The following SLC2A6 variants were observed in gnomAD, a reference collection of about 807,000 sequenced individuals.
SLC2A6 encodes the protein solute carrier family 2 member 6.
In SLC2A6, 39 loss-of-function variants were observed where a neutral mutation model predicts 47.8. The observed-to-expected ratio is 0.82, with a 90% CI of 0.63 to 1.07. SLC2A6 has a LOEUF of 1.07. Ranked by LOEUF, SLC2A6 falls within the 50% of genes least tolerant of loss-of-function variation. The probability of loss-of-function intolerance (pLI) is 0.00; values close to 1 mark genes in which losing one functional copy is unlikely to be tolerated. For synonymous variants in SLC2A6, 346 were observed against 324.1 expected, an observed-to-expected ratio of 1.07 and a Z score of -0.73; for missense variants, 650 against 707.6, an observed-to-expected ratio of 0.92 and a Z score of 0.92.
Position 133,474,023 on chromosome 9 carries a change from G to A in SLC2A6, c.993C>T (p.Leu331=), listed in dbSNP as rs995487639. The change falls in exon 7 of 10, where the codon CTC becomes CTT. Residue 331 remains leucine (L), a synonymous_variant. Coordinates refer to ENST00000371899, the MANE Select transcript of SLC2A6 (RefSeq NM_017585.4). ...VRLLSVLIAA[L]TMDLAGRKVL... Reference sequence around the variant, plus strand: ...CCTTGCGGCCTGCGAGGTCCATGGTGAGGGCGGCGATCAGCACGGACAGGA... The same window carrying A: ...CCTTGCGGCCTGCGAGGTCCATGGTAAGGGCGGCGATCAGCACGGACAGGA... 47 of 1,611,048 alleles carry A rather than the reference G, an allele frequency of 2.9e-5. No homozygotes were observed. In the East Asian group the frequency reaches 1.0e-3, roughly 35 times the overall value.
intron 3 of SLC2A6, 181 bp from the exon 4 acceptor site, chr9:133,476,517 C>T: frequency 1.6e-6 from 1 of 610,976 alleles, no homozygotes; most frequent in Non-Finnish European, 3.0e-6. Flanking sequence ...CTCTCTCTGT[C>T]CTCAGTTTCC....
Position 133,473,904 on chromosome 9 carries a change from G to A in SLC2A6, c.1036+76C>T, listed in dbSNP as rs986010120. The A allele has an allele frequency of 1.2e-5, 14 of 1,182,404 alleles. 1 individual carries two copies. The highest frequency in any genetic ancestry group is 9.1e-5 in the South Asian group (6 of 65,728). 73.2% of individuals were successfully genotyped at this position (1,182,404 alleles called of 1,614,324 possible). A position where few individuals can be genotyped will look rare whatever the true frequency, so the allele number is the denominator to read the frequency against. ...TCCCAGCCACACAGCCCCACCCCGA[G>A]GCAGGCCTGCACACCCAGCCCAGCC... On this transcript the variant is annotated intron_variant, in intron 7 of 9. Coordinates refer to ENST00000371899, the MANE Select transcript of SLC2A6 (RefSeq NM_017585.4).
At chr9:133,475,365 G>A in intron 5 of SLC2A6, 35 bp downstream of exon 5, 3 of 1,545,536 alleles carry the variant, frequency 1.9e-6, no homozygotes, top group South Asian at 2.4e-5. Flanking sequence ...TGCTGGAGGT[G>A]GGCCTGCCCG....
chr9:133,475,476 G>C lies in SLC2A6; in HGVS notation c.698C>G (p.Ala233Gly). ...SRGRDEEALR[A>G]LAWLRGTDVD... ...GTCCGTCCCACGCAGCCAGGCCAGC[G>C]CCCGCAGGGCCTCTTCGTCCCTGCC... Residue 233 changes from alanine (A) to glycine (G), a missense_variant, in exon 5 of 10, where the codon GCG becomes GGG. Transcript: ENST00000371899. The C allele has an allele frequency of 1.2e-6, 2 of 1,611,834 alleles. No homozygotes were observed. The highest frequency in any genetic ancestry group is 2.2e-5 in the South Asian group (2 of 91,022).
In SLC2A6 at chr9:133,473,505, C is replaced by G; in HGVS notation, c.1132G>C (p.Glu378Gln). The G allele has an allele frequency of 1.2e-6, 2 of 1,601,518 alleles. No individual in the cohort carries two copies. Among genetic ancestry groups the G allele is most frequent in the Non-Finnish European group, 1.7e-6 (2 of 1,175,760 alleles). ...SPNSTAGLES[E>Q]SWGDLAQPLA... ...GGCTGCGCCAAGTCCCCCCAGGACTCGCTTTCCAGGCCCGCAGTGCTGTTG... is the reference window on the plus strand; with the variant it reads ...GGCTGCGCCAAGTCCCCCCAGGACTGGCTTTCCAGGCCCGCAGTGCTGTTG... Residue 378 changes from glutamate to glutamine, a missense_variant, in exon 8 of 10, where the codon GAG becomes CAG. Physicochemically the swap from Glu to Gln is conservative, Grantham distance 29 (BLOSUM62 2). Coordinates refer to ENST00000371899, the MANE Select transcript of SLC2A6 (RefSeq NM_017585.4).
intron 3 of SLC2A6, among the ~76,000 whole-genome samples, 184 bp downstream of exon 3, chr9:133,476,851 G>C (rs587706280): frequency 1.3e-5 from 2 of 152,342 alleles, no homozygotes; most frequent in South Asian, 4.1e-4. Flanking sequence ...CTGGGGACCT[G>C]GAGACAATTT....
rs377407667 is a variant in SLC2A6 at position 133,471,657 on chromosome 9, C to G, written c.*364G>C. 1 of 208,694 alleles carries G rather than the reference C, an allele frequency of 4.8e-6. No individual in the cohort carries two copies. Among genetic ancestry groups the G allele is most frequent in the African/African-American group, 2.3e-5 (1 of 43,552 alleles). The allele number at this position is 208,694 out of a possible 1,614,324, so 12.9% of individuals were successfully genotyped here. ...ATATGACTACGTTACTTGGCTGCCT[C>G]CAGCCCTGTCCTCTCAGTCCTCCCC... On this transcript the variant is annotated 3_prime_UTR_variant, in exon 10 of 10. Coordinates refer to ENST00000371899, the MANE Select transcript of SLC2A6 (RefSeq NM_017585.4).
chr9:133,471,672 C>G lies in SLC2A6; in HGVS notation c.*349G>C. 4.4e-6 allele frequency: 1 copy of G among 227,248 alleles called. No individual in the cohort carries two copies. The highest frequency in any genetic ancestry group is 5.2e-5 in the Admixed American group (1 of 19,414). 14.1% of individuals were successfully genotyped at this position (227,248 alleles called of 1,614,324 possible). On this transcript the variant is annotated 3_prime_UTR_variant, in exon 10 of 10. Coordinates refer to ENST00000371899, the MANE Select transcript of SLC2A6 (RefSeq NM_017585.4). Reference sequence around the variant, plus strand: ...TTGGCTGCCTCCAGCCCTGTCCTCTCAGTCCTCCCCGTAGCCTTCTGTGGG... The same window carrying G: ...TTGGCTGCCTCCAGCCCTGTCCTCTGAGTCCTCCCCGTAGCCTTCTGTGGG...
In SLC2A6 at chr9:133,473,464, A is replaced by C; in HGVS notation, c.1173T>G (p.Ala391=). 6.2e-7 allele frequency: 1 copy of C among 1,606,148 alleles called. No homozygotes were observed. The highest frequency in any genetic ancestry group is 2.2e-5 in the East Asian group (1 of 44,768). Residue 391 remains alanine (A), a synonymous_variant, in exon 8 of 10, where the codon GCT becomes GCG. Coordinates refer to ENST00000371899, the MANE Select transcript of SLC2A6 (RefSeq NM_017585.4). ...GCAGGGGCACCAGGGTGAGGTAGCCAGCGGGTGCTGCCAGGGGCTGCGCCA... is the reference window on the plus strand; with the variant it reads ...GCAGGGGCACCAGGGTGAGGTAGCCCGCGGGTGCTGCCAGGGGCTGCGCCA... ...GDLAQPLAAP[A]GYLTLVPLLA...
intron 7 of SLC2A6, 65 bp from the exon 8 acceptor site, chr9:133,473,665 CCTT>C (rs1564466234): frequency 1.4e-6 from 2 of 1,421,228 alleles, no homozygotes; most frequent in Non-Finnish European, 1.9e-6. Flanking sequence ...TCTCAGAGCT[CCTT>C]CTGCAGAGCC....
Position 133,475,039 on chromosome 9 carries a change from G to A in SLC2A6, c.849C>T (p.Arg283=), listed in dbSNP as rs62637579. 1.8e-3 allele frequency: 2,947 copies of A among 1,599,886 alleles called. 58 individuals carry two copies. The African/African-American group carries it at 0.033, about 18-fold the overall frequency. The change falls in exon 6 of 10, where the codon CGC becomes CGT. Residue 283 remains arginine (R), a synonymous_variant. Transcript: ENST00000371899. The part of the protein sequence containing the change: ...CRPITVALLM[R]LLQQLTGITP... ...TGATGCCCGTCAGCTGCTGCAGGAG[G>A]CGCATCAGCAAGGCCACGGTGATGG...
chr9:133,474,093 C>CG lies in SLC2A6; in HGVS notation c.928-6dup, dbSNP rs1229716718. 1.4e-5 allele frequency: 22 copies of CG among 1,591,880 alleles called. No homozygotes were observed. Among genetic ancestry groups the CG allele is most frequent in the African/African-American group, 1.3e-5 (1 of 74,736 alleles). ...GGCTGCGTCGTCCTTGGGGGGCTAT[C>CG]GGGGGGAGACCACCAGGGCTGAGGG... On this transcript the variant is annotated splice_region_variant and splice_polypyrimidine_tract_variant and intron_variant, in intron 6 of 9. Transcript: ENST00000371899.
chr9:133,477,519 G>A (rs1554803742), intron 2 of SLC2A6, among the ~76,000 whole-genome samples: 1 of 152,216 alleles, frequency 6.6e-6, no homozygotes, highest in African/African-American at 2.4e-5. Flanking sequence ...TTTTAATACA[G>A]GAGAATTCTG....
chr9:133,471,980 A>C lies in SLC2A6; in HGVS notation c.*41T>G. The C allele has an allele frequency of 6.3e-7, 1 of 1,596,936 alleles. No homozygotes were observed. Among genetic ancestry groups the C allele is most frequent in the East Asian group, 2.2e-5 (1 of 44,582 alleles). ...AGGTTTGTAGCCAACACAGAGGCCC[A>C]GCCACTGGGGGTTTGGCCCCCTCCA... On this transcript the variant is annotated 3_prime_UTR_variant, in exon 10 of 10. Coordinates refer to ENST00000371899, the MANE Select transcript of SLC2A6 (RefSeq NM_017585.4).
rs1554803143 is a variant in SLC2A6 at position 133,475,592 on chromosome 9, G to A, written c.582C>T (p.Arg194=). The change falls in exon 5 of 10, where the codon CGC becomes CGT. Residue 194 remains arginine (R), a synonymous_variant. Transcript: ENST00000371899. ...LYALGLLLPW[R]WLAVAGEAPV... is the part of the protein sequence containing the mutation. Reference sequence around the variant, plus strand: ...GCGCCTCCCCGGCCACAGCCAGCCAGCGCCACGGCAGCAGGAGGCCTGGGG... The same window carrying A: ...GCGCCTCCCCGGCCACAGCCAGCCAACGCCACGGCAGCAGGAGGCCTGGGG... 1.2e-6 allele frequency: 2 copies of A among 1,601,314 alleles called. No individual in the cohort carries two copies. Among genetic ancestry groups the A allele is most frequent in the African/African-American group, 1.3e-5 (1 of 74,942 alleles).
At chr9:133,475,215 C>G in intron 5 of SLC2A6, 102 bp from the exon 6 acceptor site, 1 of 1,418,138 alleles carries the variant, frequency 7.1e-7, no homozygotes, top group East Asian at 2.5e-5. Flanking sequence ...TCCTTTTTCC[C>G]TCCTCCAGGA....
chr9:133,478,753 TG>T lies in SLC2A6; in HGVS notation c.92+214del, dbSNP rs1368521002. 13 of 588,592 alleles carry T rather than the reference TG, an allele frequency of 2.2e-5. No individual in the cohort carries two copies. The South Asian group carries it at 2.6e-4, about 12-fold the overall frequency. 36.5% of individuals were successfully genotyped at this position (588,592 alleles called of 1,614,324 possible). A position where few individuals can be genotyped will look rare whatever the true frequency, so the allele number is the denominator to read the frequency against. ...GCCTCAGTCTCACTGTCTGTGGCAG[TG>T]GGGGGCTGGGCCCGGTACTCTCGTG... On this transcript the variant is annotated intron_variant, in intron 1 of 9. Coordinates refer to ENST00000371899, the MANE Select transcript of SLC2A6 (RefSeq NM_017585.4).
At chr9:133,476,114 G>C (rs909394402) in intron 4 of SLC2A6, 123 bp downstream of exon 4, 8 of 774,314 alleles carry the variant, frequency 1.0e-5, no homozygotes, top group Non-Finnish European at 1.6e-5. Flanking sequence ...CGGGATGCCA[G>C]ATCTCTTGCC....
Position 133,472,083 on chromosome 9 carries a change from C to T in SLC2A6, c.1462G>A (p.Gly488Arg). ...GACTCGATCTGCTCCAGGGACCGTC[C>T]CTTGGTCTCGGGCACACAGCAGCCT... is the stretch of plus-strand genomic sequence containing the variant. ...FTGCCVPETKGRSLEQIESFF... is the reference protein window; with the variant it reads ...FTGCCVPETKRRSLEQIESFF... The change falls in exon 10 of 10, where the codon GGA (glycine) becomes AGA (arginine). Residue 488 changes from glycine to arginine, a missense_variant. Coordinates refer to ENST00000371899, the MANE Select transcript of SLC2A6 (RefSeq NM_017585.4). 3 of 1,613,436 alleles carry T rather than the reference C, an allele frequency of 1.9e-6. No homozygotes were observed. The highest frequency in any genetic ancestry group is 1.7e-5 in the Admixed American group (1 of 60,006).
Sources: gnomAD v4.1 joint callset for allele counts (sites outside exome capture counted in the v4.1 genomes callset) on GRCh38, gnomAD v4.1.1 for gene constraint, MANE v1.5 for transcripts, NCBI Gene and HGNC (gene_info 2026-07-23, HGNC 2026-07-21) for gene names.